NCALD: variants seen among roughly 807,000 people sequenced by gnomAD.
NCALD encodes neurocalcin delta, also known as neurocalcin-delta.
Under a neutral mutation model 18.6 loss-of-function variants are expected in NCALD, and 10 were observed. The ratio of observed to expected loss-of-function variants is 0.54; its 90% CI spans 0.33 to 0.91. The LOEUF (loss-of-function observed/expected upper bound fraction) is 0.91, where lower values mean the gene tolerates loss of function less well. Among genes scored for constraint, NCALD ranks in the 40% least tolerant of loss-of-function variants. NCALD has a pLI of 0.03. For synonymous variants in NCALD, 88 were observed against 87.4 expected (o/e 1.01, Z -0.04); for missense variants, 184 against 247.6 (o/e 0.74, Z 1.72).
chr8:101,998,371 C>T (rs928473210), intron 2 of NCALD, among the ~76,000 whole-genome samples: 1 of 152,078 alleles, frequency 6.6e-6, no homozygotes, highest in African/African-American at 2.4e-5. Context: ...CTGTCTCTCC[C>T]CACCCCACAA....
intron 1 of NCALD, among the ~76,000 whole-genome samples, chr8:101,759,177 T>C (rs1423021503): frequency 6.6e-6 from 1 of 152,202 alleles, no homozygotes; most frequent in African/African-American, 2.4e-5. Context: ...GAAGCATTCA[T>C]AAAATGGAAC....
intron 1 of NCALD, among the ~76,000 whole-genome samples, chr8:102,027,352 T>G (rs139133610): frequency 0.028 from 4,321 of 152,280 alleles, 105 homozygotes; most frequent in East Asian, 0.097. Context: ...CTATATCATC[T>G]CTCTCAAGTT....
At chr8:101,922,127 C>T (rs1293725844) in intron 2 of NCALD, among the ~76,000 whole-genome samples, 1 of 148,030 alleles carries the variant, frequency 6.8e-6, no homozygotes, top group African/African-American at 2.5e-5. Flanking sequence ...ATATAATTAA[C>T]TCAATTTTAG....
intron 1 of NCALD, among the ~76,000 whole-genome samples, chr8:102,117,086 CT>C (rs1386474324): frequency 3.3e-5 from 5 of 152,312 alleles, no homozygotes; most frequent in African/African-American, 9.6e-5. Context: ...GAAGTCGCCC[CT>C]AGAATCCCTG....
chr8:102,115,607 G>T (rs757028271), intron 1 of NCALD, among the ~76,000 whole-genome samples: 1 of 152,214 alleles, frequency 6.6e-6, no homozygotes, highest in Non-Finnish European at 1.5e-5. Context: ...ATGTACACAG[G>T]CCCTACTTTG....
At chr8:101,880,934 T>A (rs1407848858) in intron 4 of NCALD, among the ~76,000 whole-genome samples, 1 of 152,162 alleles carries the variant, frequency 6.6e-6, no homozygotes, top group Admixed American at 6.5e-5. Flanking sequence ...CTAGAGGGCC[T>A]CGAATGTCAT....
chr8:101,925,544 C>T (rs988795343), intron 2 of NCALD, among the ~76,000 whole-genome samples: 7 of 152,148 alleles, frequency 4.6e-5, no homozygotes, highest in East Asian at 1.9e-4. Flanking sequence ...AGCACCATTG[C>T]CACTTCGGGT....
chr8:101,792,034 G>C (rs776791663), upstream of NCALD, among the ~76,000 whole-genome samples: 1 of 152,122 alleles, frequency 6.6e-6, no homozygotes, highest in Non-Finnish European at 1.5e-5. Context: ...AAACTCACAA[G>C]AAGGTACTCT....
intron 1 of NCALD, among the ~76,000 whole-genome samples, chr8:101,781,266 T>C (rs142628395): frequency 6.6e-6 from 1 of 152,294 alleles, no homozygotes; most frequent in African/African-American, 2.4e-5. Context: ...TGGTACCACG[T>C]TGTCCCATTC....
chr8:102,041,008 A>G (rs1823031940), intron 1 of NCALD, among the ~76,000 whole-genome samples: 1 of 152,166 alleles, frequency 6.6e-6, no homozygotes, highest in Admixed American at 6.5e-5. Context: ...TTTCTGTCCT[A>G]TTAAAGTACC....
chr8:102,085,617 C>T (rs1824711460), intron 1 of NCALD, among the ~76,000 whole-genome samples: 1 of 151,920 alleles, frequency 6.6e-6, no homozygotes, highest in Non-Finnish European at 1.5e-5. Context: ...ATTAGCTGGG[C>T]ATGGTGGCAG....
intron 2 of NCALD, among the ~76,000 whole-genome samples, chr8:101,919,493 T>C (rs1293667588): frequency 6.6e-6 from 1 of 151,848 alleles, no homozygotes; most frequent in Non-Finnish European, 1.5e-5. Context: ...GACTAGGCCC[T>C]CAAAAGCAAT....
intron 1 of NCALD, among the ~76,000 whole-genome samples, chr8:102,104,623 T>C (rs1377926533): frequency 6.6e-6 from 1 of 152,138 alleles, no homozygotes; most frequent in African/African-American, 2.4e-5. Flanking sequence ...AAAACCTTTA[T>C]TACAGCTGTC....
At chr8:102,043,671 AAGGAGGAGGAAGACGAGG>A (rs1823134199) in intron 1 of NCALD, among the ~76,000 whole-genome samples, 1 of 147,192 alleles carries the variant, frequency 6.8e-6, no homozygotes, top group Non-Finnish European at 1.5e-5. Flanking sequence ...AGAAGAAGAG[AAGGAGGAGGAAGACGAGG>A]AGGAGGAGGA....
At chr8:101,942,406 C>T (rs1818993010) in intron 2 of NCALD, among the ~76,000 whole-genome samples, 7 of 152,116 alleles carry the variant, frequency 4.6e-5, no homozygotes, top group Admixed American at 4.6e-4. Flanking sequence ...GTGAAGAGAT[C>T]ACAGTCCAAT....
intron 2 of NCALD, among the ~76,000 whole-genome samples, chr8:101,959,970 A>G (rs1022130188): frequency 9.2e-5 from 14 of 151,936 alleles, no homozygotes; most frequent in African/African-American, 3.4e-4. Flanking sequence ...GAACCACCAA[A>G]GCATCCCTCT....
At position 101,763,966 on chromosome 8, in the gene NCALD, C is replaced by CTCTCTCTCT. The variant is rs1491550100; in HGVS notation, c.-20+26895_-20+26896insAGAGAGAGA. On this transcript the variant is annotated intron_variant, in intron 1 of 3. Transcript: ENST00000220931. ...TTATGACAAATTTCTCTCTCTCTCT[C>CTCTCTCTCT]CACACACACACACACACACACACAC... Among the ~76,000 whole-genome samples the CTCTCTCTCT allele has an allele frequency of 7.4e-3, 631 of 85,280 alleles. 4 individuals are homozygous for CTCTCTCTCT. The highest frequency in any genetic ancestry group is 0.022 in the African/African-American group (570 of 25,410). 55.9% of individuals were successfully genotyped at this position (85,280 alleles called of 152,430 possible).
chr8:102,081,545 T>TTA (rs1327449170), intron 1 of NCALD, among the ~76,000 whole-genome samples: 6 of 68,704 alleles, frequency 8.7e-5, no homozygotes, highest in African/African-American at 4.8e-4. Context: ...CAAATAATGG[T>TTA]AAAAAAAAAA....
At chr8:101,788,858 T>A (rs774750965) in intron 1 of NCALD, 2 of 152,238 alleles carry the variant, frequency 1.3e-5, no homozygotes, top group Non-Finnish European at 2.9e-5. Flanking sequence ...GTAAAATGAT[T>A]CTGATGACAG....
Sources: gnomAD v4.1 joint callset for allele counts (sites outside exome capture counted in the v4.1 genomes callset) on GRCh38, gnomAD v4.1.1 for gene constraint, MANE v1.5 for transcripts, NCBI Gene and HGNC (gene_info 2026-07-23, HGNC 2026-07-21) for gene names.